The following DOCK8 variants were observed in gnomAD, a reference collection of about 807,000 sequenced individuals.
DOCK8 encodes the protein dedicator of cytokinesis protein 8.
DOCK8 carries 141 observed loss-of-function variants against 245.6 expected under a neutral mutation model. The ratio of observed to expected loss-of-function variants is 0.57; its 90% CI spans 0.50 to 0.66. The LOEUF (loss-of-function observed/expected upper bound fraction) is 0.66. Ranked by LOEUF, DOCK8 falls within the 30% of genes least tolerant of loss-of-function variation. The pLI is 0.00. For missense variants in DOCK8, 2,965 were observed against 2,603.4 expected (o/e 1.14, Z -3.02); for synonymous variants, 1,168 against 970.2 (o/e 1.20, Z -3.79).
chr9:318,273 T>C (rs928870705), intron 7 of DOCK8, among the ~76,000 whole-genome samples: 2 of 152,208 alleles, frequency 1.3e-5, no homozygotes, highest in Non-Finnish European at 2.9e-5. Context: ...GTAACATTTA[T>C]TTATATACTA....
At chr9:348,059 C>A (rs1247416156) in intron 14 of DOCK8, among the ~76,000 whole-genome samples, 1 of 152,086 alleles carries the variant, frequency 6.6e-6, no homozygotes, top group East Asian at 1.9e-4. Context: ...TCACTGTTGT[C>A]ATTTTTTCGC....
chr9:384,881 A>T (rs1276142714), intron 22 of DOCK8, among the ~76,000 whole-genome samples: 7 of 152,150 alleles, frequency 4.6e-5, no homozygotes, highest in Admixed American at 4.6e-4. Context: ...GTGCCACCGC[A>T]CTCCAGCCTG....
At chr9:310,179 A>G (rs7024777) in intron 5 of DOCK8, among the ~76,000 whole-genome samples, 77,659 of 151,780 alleles carry the variant, frequency 0.51, 20,624 homozygotes, top group East Asian at 0.76. Context: ...AGGCAAAAGA[A>G]TCACTTGAAC....
intron 1 of DOCK8, chr9:215,597 G>T: frequency 1.6e-6 from 1 of 629,490 alleles, no homozygotes. Context: ...GAGCCATGAA[G>T]TGGAAAAAGT....
chr9:334,310 C>G lies in DOCK8; in HGVS notation c.1211C>G (p.Ala404Gly). Residue 404 changes from alanine to glycine, a missense_variant, in exon 11 of 48, where the codon GCA becomes GGA. Around this residue, in one of 3 missense-constraint regions of DOCK8, gnomAD observed 2,825 missense variants for 2,453.5 expected, o/e 1.15. Transcript: ENST00000432829. Reference protein sequence around the residue: ...LGKYRMPFAWAPISLSSFFNV... With the variant: ...LGKYRMPFAWGPISLSSFFNV... ...AAATACCGGATGCCCTTTGCCTGGG[C>G]ACCCATAAGCTTATCAAGCTTCTTC... The G allele has an allele frequency of 6.2e-7, 1 of 1,614,148 alleles. No individual in the cohort carries two copies. Among genetic ancestry groups the G allele is most frequent in the African/African-American group, 1.3e-5 (1 of 75,044 alleles).
chr9:450,786 C>G (rs1245013472), intron 45 of DOCK8, among the ~76,000 whole-genome samples: 1 of 149,108 alleles, frequency 6.7e-6, no homozygotes, highest in Non-Finnish European at 1.5e-5. Context: ...AAATGGAAGA[C>G]TTTCCAAGCC....
intron 23 of DOCK8, among the ~76,000 whole-genome samples, chr9:388,080 C>G (rs2054029222): frequency 6.6e-6 from 1 of 152,182 alleles, no homozygotes; most frequent in Non-Finnish European, 1.5e-5. Context: ...TTATCCTTGT[C>G]TAATCTCTTC....
intron 1 of DOCK8, among the ~76,000 whole-genome samples, chr9:220,514 C>G (rs2046856713): frequency 1.3e-5 from 2 of 152,132 alleles, no homozygotes; most frequent in African/African-American, 4.8e-5. Context: ...GTTAAAAACA[C>G]CTCAACTTTC....
chr9:333,115 C>G (rs1262361928), intron 10 of DOCK8, among the ~76,000 whole-genome samples: 6 of 152,202 alleles, frequency 3.9e-5, no homozygotes. Context: ...GACCCCAAAA[C>G]TAAACAGTGC....
intron 1 of DOCK8, among the ~76,000 whole-genome samples, chr9:223,978 A>C (rs904348794): frequency 6.6e-6 from 1 of 152,184 alleles, no homozygotes; most frequent in Non-Finnish European, 1.5e-5. Flanking sequence ...AAGCCTATTA[A>C]ATAAAATAAT....
intron 1 of DOCK8, among the ~76,000 whole-genome samples, chr9:222,185 A>G (rs1379411390): frequency 1.3e-5 from 2 of 151,670 alleles, no homozygotes; most frequent in African/African-American, 4.8e-5. Flanking sequence ...GTCACTTGAG[A>G]CCAGGAGTTT....
intron 14 of DOCK8, among the ~76,000 whole-genome samples, chr9:356,784 A>G (rs1362774216): frequency 2.6e-5 from 4 of 152,160 alleles, no homozygotes; most frequent in Non-Finnish European, 4.4e-5. Flanking sequence ...ACCTCTTAAT[A>G]TATTAAATCT....
At chr9:215,166 C>A in intron 1 of DOCK8, 137 bp downstream of exon 1, 1 of 1,495,812 alleles carries the variant, frequency 6.7e-7, no homozygotes. Context: ...CTGGGGCGCC[C>A]GGTTCCCGAG....
intron 46 of DOCK8, among the ~76,000 whole-genome samples, chr9:453,653 C>T (rs2057534684): frequency 6.6e-6 from 1 of 152,108 alleles, no homozygotes; most frequent in South Asian, 2.1e-4. Flanking sequence ...TCTTGAACTC[C>T]TGACCTCAAA....
chr9:272,929 C>G, intron 2 of DOCK8: 3 of 544,812 alleles, frequency 5.5e-6, no homozygotes, highest in Non-Finnish European at 4.7e-6. Context: ...CAGCAGCACT[C>G]TTGCTGGTTC....
At position 411,860 on chromosome 9, in the gene DOCK8, G is replaced by A. The variant is rs573147277; in HGVS notation, c.3531-2922G>A. Among the ~76,000 whole-genome samples the A allele has an allele frequency of 2.0e-5, 3 of 152,240 alleles. No homozygotes were observed. The East Asian group carries it at 5.8e-4, about 29-fold the overall frequency. On this transcript the variant is annotated intron_variant, in intron 28 of 47. Transcript: ENST00000432829. ...ATACAATCATCTTAGTAGATGCAAA[G>A]AAAAGCATTTAATAAAATCTAATAA...
chr9:263,764 G>T (rs1039724925), intron 1 of DOCK8, among the ~76,000 whole-genome samples: 9 of 152,314 alleles, frequency 5.9e-5, no homozygotes, highest in Admixed American at 5.2e-4. Flanking sequence ...GCACTTTGAA[G>T]ATGTCATTGC....
Position 327,938 on chromosome 9 carries a change from G to C in DOCK8, c.895-84G>C, listed in dbSNP as rs2296825. 0.65 allele frequency: 874,881 copies of C among 1,349,064 alleles called. 285,328 individuals are homozygous for C. Among genetic ancestry groups the C allele is most frequent in the South Asian group, 0.75 (64,058 of 85,126 alleles). The allele number at this position is 1,349,064 out of a possible 1,614,324, so 83.6% of individuals were successfully genotyped here. A position where few individuals can be genotyped will look rare whatever the true frequency, so the allele number is the denominator to read the frequency against. On this transcript the variant is annotated intron_variant, in intron 8 of 47. Transcript: ENST00000432829. Reference sequence around the variant, plus strand: ...CTTACTCCTTCAGCAAAATTTCTCTGTGGTGTTTTTACTCCTTTTTAACAT... The same window carrying C: ...CTTACTCCTTCAGCAAAATTTCTCTCTGGTGTTTTTACTCCTTTTTAACAT...
At chr9:224,277 C>T (rs1448814771) in intron 1 of DOCK8, among the ~76,000 whole-genome samples, 1 of 152,074 alleles carries the variant, frequency 6.6e-6, no homozygotes, top group Non-Finnish European at 1.5e-5. Context: ...TTTTCTCCCC[C>T]GATGAATATA....
Sources: gnomAD v4.1 joint callset for allele counts (sites outside exome capture counted in the v4.1 genomes callset) on GRCh38, gnomAD v4.1.1 for gene constraint, gnomAD v4.1.1 regional missense constraint, MANE v1.5 for transcripts, NCBI Gene and HGNC (gene_info 2026-07-23, HGNC 2026-07-21) for gene names.